LRP6: variants seen among roughly 807,000 people sequenced by gnomAD.
LRP6 encodes low-density lipoprotein receptor-related protein 6.
LRP6 carries 43 observed loss-of-function variants against 184.1 expected under a neutral mutation model. The observed-to-expected ratio is 0.23, with a 90% CI of 0.18 to 0.30. The LOEUF is 0.30. Among genes scored for constraint, LRP6 ranks in the 10% least tolerant of loss-of-function variants. The pLI is 1.00. For synonymous variants in LRP6, 719 were observed against 684.9 expected, an observed-to-expected ratio of 1.05 and a Z score of -0.78; for missense variants, 1,571 against 2,005.3, an observed-to-expected ratio of 0.78 and a Z score of 4.14.
chr12:12,181,407 T>C lies in LRP6; in HGVS notation c.1009A>G (p.Thr337Ala), dbSNP rs150332529. The C allele has an allele frequency of 1.7e-4, 241 of 1,419,774 alleles. No individual in the cohort carries two copies. The highest frequency in any genetic ancestry group is 2.2e-4 in the Non-Finnish European group (225 of 1,003,758). The allele number at this position is 1,419,774 out of a possible 1,614,324, so 87.9% of individuals were successfully genotyped here. Residue 337 changes from threonine (T) to alanine (A), a missense_variant, in exon 6 of 23, where the codon ACA (threonine) becomes GCA (alanine). Thr to Ala is a moderately conservative substitution (Grantham distance 58, BLOSUM62 0). This residue lies in a region of LRP6 where 640 missense variants were observed against 851.9 expected (regional missense o/e 0.75). Transcript: ENST00000261349. ...TCCAAAGAAATGCGTCTCAAGTCTG[T>C]CCTTCGAGCTAAAAGCAATAATTCT... is the stretch of plus-strand genomic sequence containing the variant. ...ATELLLLARRTDLRRISLDTP... is the reference protein window; with the variant it reads ...ATELLLLARRADLRRISLDTP...
In LRP6 at chr12:12,120,043, A is replaced by G. The variant is rs1397208283; in HGVS notation, c.*1083T>C. The G allele has an allele frequency of 5.3e-4, 61 of 114,048 alleles. No individual in the cohort carries two copies. Among genetic ancestry groups the G allele is most frequent in the African/African-American group, 1.9e-3 (58 of 29,920 alleles). The allele number at this position is 114,048 out of a possible 1,614,324, so 7.1% of individuals were successfully genotyped here. On this transcript the variant is annotated 3_prime_UTR_variant, in exon 23 of 23. Transcript: ENST00000261349. Reference sequence around the variant, plus strand: ...TATATATATATATATATATATATATAAATGATTTCGTACTGTGATATATGC... The same window carrying G: ...TATATATATATATATATATATATATGAATGATTTCGTACTGTGATATATGC...
chr12:12,251,504 C>T lies in LRP6; in HGVS notation c.56-6849G>A, dbSNP rs142624670. 4.3e-3 allele frequency among the ~76,000 whole-genome samples: 655 copies of T among 151,828 alleles called. 4 individuals carry two copies. Among genetic ancestry groups the T allele is most frequent in the African/African-American group, 0.014 (598 of 41,414 alleles). ...TCAGCCTCCCGAGTAGCTGGGACTA[C>T]AGGTGCCCGCCACCACGCACGGCTA... is the stretch of plus-strand genomic sequence containing the variant. On this transcript the variant is annotated intron_variant, in intron 1 of 22. Transcript: ENST00000261349.
chr12:12,131,120 T>TTC (rs1949749082), intron 18 of LRP6, among the ~76,000 whole-genome samples: 3 of 142,798 alleles, frequency 2.1e-5, no homozygotes, highest in Admixed American at 7.0e-5. Flanking sequence ...TTTTTTTTTT[T>TTC]TTTTTGAGAC....
chr12:12,161,410 G>C (rs1862738667), intron 10 of LRP6, among the ~76,000 whole-genome samples: 1 of 152,112 alleles, frequency 6.6e-6, no homozygotes, highest in African/African-American at 2.4e-5. Flanking sequence ...TGGGACTACA[G>C]ACACATGCCA....
chr12:12,180,903 C>T (rs1472128843), intron 6 of LRP6, 140 bp downstream of exon 6: 36 of 866,660 alleles, frequency 4.2e-5, no homozygotes, highest in Non-Finnish European at 6.3e-5. Flanking sequence ...ATTCTAATCA[C>T]CATATCCTAA....
At chr12:12,213,935 T>A (rs1864276253) in intron 2 of LRP6, among the ~76,000 whole-genome samples, 1 of 152,188 alleles carries the variant, frequency 6.6e-6, no homozygotes. Flanking sequence ...CTAGTTGATG[T>A]AAGGATTAAA....
At chr12:12,227,825 G>A (rs1008846884) in intron 2 of LRP6, among the ~76,000 whole-genome samples, 4 of 152,138 alleles carry the variant, frequency 2.6e-5, no homozygotes, top group African/African-American at 9.7e-5. Context: ...ACAATACAGG[G>A]GATGGAAGGG....
intron 2 of LRP6, among the ~76,000 whole-genome samples, chr12:12,206,087 G>T (rs544494069): frequency 6.6e-6 from 1 of 152,160 alleles, no homozygotes; most frequent in Non-Finnish European, 1.5e-5. Context: ...GCAGCAATAA[G>T]CTATCTTATA....
intron 17 of LRP6, 90 bp downstream of exon 17, chr12:12,135,085 C>T: frequency 2.5e-6 from 4 of 1,587,912 alleles, no homozygotes; most frequent in Non-Finnish European, 3.4e-6. Context: ...GTAGACAGAG[C>T]AACTTCAATG....
intron 4 of LRP6, chr12:12,186,686 TC>T: frequency 2.0e-6 from 1 of 494,792 alleles, no homozygotes; most frequent in Non-Finnish European, 3.6e-6. Flanking sequence ...TGAGACACAG[TC>T]TTTCTCTGTC....
chr12:12,136,229 A>ACTTG (rs1316303566), intron 16 of LRP6, among the ~76,000 whole-genome samples: 1 of 152,136 alleles, frequency 6.6e-6, no homozygotes, highest in Non-Finnish European at 1.5e-5. Context: ...GAATGCTGAA[A>ACTTG]CTTGAGTATT....
intron 7 of LRP6, among the ~76,000 whole-genome samples, chr12:12,171,390 C>T (rs954424270): frequency 2.0e-5 from 3 of 151,950 alleles, no homozygotes; most frequent in East Asian, 1.9e-4. Flanking sequence ...GGCGTGGTGG[C>T]GGGTGCCCGT....
intron 17 of LRP6, among the ~76,000 whole-genome samples, chr12:12,134,319 C>CACCAT (rs1369413155): frequency 6.6e-6 from 1 of 152,048 alleles, no homozygotes; most frequent in East Asian, 1.9e-4. Flanking sequence ...ATAATTTTCA[C>CACCAT]ACCATTAGAA....
In LRP6 at chr12:12,215,749, T is replaced by A. The variant is rs1019007041; in HGVS notation, c.450-12349A>T. Among the ~76,000 whole-genome samples the A allele has an allele frequency of 3.3e-5, 5 of 150,450 alleles. No individual in the cohort carries two copies. In the East Asian group the frequency reaches 1.0e-3, roughly 31 times the overall value. Reference sequence around the variant, plus strand: ...ATTTGTGGCCAGGCGTGGTGGCTCATGCCTGTAATCCCAACACTTTGGGAA... The same window carrying A: ...ATTTGTGGCCAGGCGTGGTGGCTCAAGCCTGTAATCCCAACACTTTGGGAA... On this transcript the variant is annotated intron_variant, in intron 2 of 22. Transcript: ENST00000261349.
chr12:12,207,736 G>C (rs1864104885), intron 2 of LRP6, among the ~76,000 whole-genome samples: 1 of 152,128 alleles, frequency 6.6e-6, no homozygotes, highest in Non-Finnish European at 1.5e-5. Context: ...CGCTACACCA[G>C]AAAGAACACT....
At chr12:12,225,184 G>A (rs1165556343) in intron 2 of LRP6, among the ~76,000 whole-genome samples, 1 of 152,162 alleles carries the variant, frequency 6.6e-6, no homozygotes. Flanking sequence ...CTGCACTCCA[G>A]CCTGGGCGAC....
At chr12:12,177,447 G>GTATTATCAAATCAA (rs1252312077) in intron 7 of LRP6, among the ~76,000 whole-genome samples, 4 of 152,174 alleles carry the variant, frequency 2.6e-5, no homozygotes, top group African/African-American at 9.6e-5. Flanking sequence ...AATCAAGGGA[G>GTATTATCAAATCAA]ATGAAAAGCT....
chr12:12,208,571 G>A (rs1016310524), intron 2 of LRP6, among the ~76,000 whole-genome samples: 1 of 152,138 alleles, frequency 6.6e-6, no homozygotes, highest in Non-Finnish European at 1.5e-5. Flanking sequence ...AGAGTTTGTA[G>A]ATAAACTATA....
At chr12:12,229,556 TTTTG>T (rs1864727135) in intron 2 of LRP6, among the ~76,000 whole-genome samples, 2 of 152,294 alleles carry the variant, frequency 1.3e-5, no homozygotes, top group Admixed American at 1.3e-4. Context: ...GGTTTGGTTG[TTTTG>T]TTTTTGTATT....
Sources: allele counts gnomAD v4.1 joint callset (sites outside exome capture counted in the v4.1 genomes callset), GRCh38; gene constraint gnomAD v4.1.1; regional missense constraint gnomAD v4.1.1; transcripts MANE v1.5; gene names NCBI Gene and HGNC (gene_info 2026-07-23, HGNC 2026-07-21).